The following TTYH1 variants were observed in gnomAD, a reference collection of about 807,000 sequenced individuals.
The protein encoded by TTYH1 is protein tweety homolog 1.
A neutral mutation model predicts 61.2 loss-of-function variants in TTYH1; 33 were observed. The observed-to-expected ratio is 0.54, with a 90% CI of 0.41 to 0.72. The LOEUF (loss-of-function observed/expected upper bound fraction) is 0.72. Ranked by LOEUF, TTYH1 falls within the 30% of genes least tolerant of loss-of-function variation. The pLI is 0.00. For missense variants in TTYH1, 538 were observed against 575.8 expected, an observed-to-expected ratio of 0.93 and a Z score of 0.67; for synonymous variants, 308 against 266.4, an observed-to-expected ratio of 1.16 and a Z score of -1.52.
chr19:54,421,559 C>A lies in TTYH1; in HGVS notation c.417+171C>A, dbSNP rs1077829. ...GACCTCAGACTATCCACCCAACCCC[C>A]GACCCTGGCTGCAAATTGAGGACCT... On this transcript the variant is annotated intron_variant, in intron 3 of 13. Transcript: ENST00000376530. The surrounding 1 kb of genome is among the most constrained non-coding windows in gnomAD (Gnocchi z 4.8). 6.6e-6 allele frequency among the ~76,000 whole-genome samples: 1 copy of A among 152,058 alleles called. No individual in the cohort carries two copies. The highest frequency in any genetic ancestry group is 1.5e-5 in the Non-Finnish European group (1 of 67,978).
At position 54,426,756 on chromosome 19, in the gene TTYH1, G is replaced by C. The variant is rs774764608; in HGVS notation, c.722G>C (p.Trp241Ser). 1 of 1,613,872 alleles carries C rather than the reference G, an allele frequency of 6.2e-7. No individual in the cohort carries two copies. Among genetic ancestry groups the C allele is most frequent in the Admixed American group, 1.7e-5 (1 of 60,018 alleles). Reference sequence around the variant, plus strand: ...CTGGGCCTGGCGAAGCAGAGCAAGTGGCTGGTGATCGTGTAAGTGCAGGCA... The same window carrying C: ...CTGGGCCTGGCGAAGCAGAGCAAGTCGCTGGTGATCGTGTAAGTGCAGGCA... ...TLLGLAKQSK[W>S]LVIVMTVMSL... The change falls in exon 5 of 14, where the codon TGG becomes TCG. Residue 241 changes from tryptophan to serine, a missense_variant. Transcript: ENST00000376530.
rs1243305719 is a variant in TTYH1, at chr19:54,436,143, G to T, written c.*14G>T. On this transcript the variant is annotated 3_prime_UTR_variant, in exon 13 of 14. Coordinates refer to ENST00000376530, the MANE Select transcript of TTYH1 (RefSeq NM_020659.4). This position sits in a 1 kb window ranked among gnomAD's most constrained non-coding sequence, Gnocchi z 4.3. ...TCGTCTATCTGAGCCCCTCCTCCCGGCTGGACTGGAGCCTGGCTCCCCTCT... is the reference window on the plus strand; with the variant it reads ...TCGTCTATCTGAGCCCCTCCTCCCGTCTGGACTGGAGCCTGGCTCCCCTCT... The T allele has an allele frequency of 6.2e-7, 1 of 1,614,110 alleles. No individual in the cohort carries two copies. The highest frequency in any genetic ancestry group is 1.3e-5 in the African/African-American group (1 of 75,048).
rs1431258632 is a variant in TTYH1 at position 54,436,531 on chromosome 19, C to T, written c.*241C>T. ...GGCTGGCAGGGGAGGGGGCAGACAG[C>T]CTCGCCTCGCACCCTTCATCCCTGG... On this transcript the variant is annotated 3_prime_UTR_variant, in exon 14 of 14. Transcript: ENST00000376530. This position sits in a 1 kb window ranked among gnomAD's most constrained non-coding sequence, Gnocchi z 4.3. 4.0e-6 allele frequency: 3 copies of T among 747,834 alleles called. No homozygotes were observed. The highest frequency in any genetic ancestry group is 4.5e-6 in the Non-Finnish European group (2 of 443,750). The allele number at this position is 747,834 out of a possible 1,614,324, so 46.3% of individuals were successfully genotyped here. A position where few individuals can be genotyped will look rare whatever the true frequency, so the allele number is the denominator to read the frequency against.
rs957480286 is a variant in TTYH1, at chr19:54,416,942, C to A, written c.126+1264C>A. 2 of 1,256,554 alleles carry A rather than the reference C, an allele frequency of 1.6e-6. No homozygotes were observed. The highest frequency in any genetic ancestry group is 1.2e-4 in the East Asian group (2 of 16,962). The allele number at this position is 1,256,554 out of a possible 1,614,324, so 77.8% of individuals were successfully genotyped here. On this transcript the variant is annotated intron_variant, in intron 1 of 13. Coordinates refer to ENST00000376530, the MANE Select transcript of TTYH1 (RefSeq NM_020659.4). The surrounding 1 kb of genome is among the most constrained non-coding windows in gnomAD (Gnocchi z 7.0). The stretch of plus-strand genomic sequence containing the variant: ...CGCCAGAGGCACGGGTTTGGGGGAG[C>A]CTCACTCCGCCCCCACGGTCGGGGG...
Position 54,420,103 on chromosome 19 carries a change from C to G in TTYH1, c.305+797C>G, listed in dbSNP as rs2083177474. Among the ~76,000 whole-genome samples the G allele has an allele frequency of 6.6e-6, 1 of 152,112 alleles. No homozygotes were observed. Among genetic ancestry groups the G allele is most frequent in the Non-Finnish European group, 1.5e-5 (1 of 68,032 alleles). ...CCAGGTTAGTAGGACCCCCTCACAC[C>G]CCTCAAAGCGAGCTTAGGGGGCTTC... On this transcript the variant is annotated intron_variant, in intron 2 of 13. Transcript: ENST00000376530. The surrounding 1 kb of genome is among the most constrained non-coding windows in gnomAD (Gnocchi z 4.8).
At position 54,415,690 on chromosome 19, in the gene TTYH1, C is replaced by T. The variant is rs1157885716; in HGVS notation, c.126+12C>T. On this transcript the variant is annotated intron_variant, in intron 1 of 13. Transcript: ENST00000376530. The surrounding 1 kb of genome is among the most constrained non-coding windows in gnomAD (Gnocchi z 5.2). Reference sequence around the variant, plus strand: ...AGGAATACCAGCAGGTGGGACCGGGCGCCAGGGCCTGGGGGCCAGGGCTGG... The same window carrying T: ...AGGAATACCAGCAGGTGGGACCGGGTGCCAGGGCCTGGGGGCCAGGGCTGG... 1.3e-6 allele frequency: 2 copies of T among 1,539,620 alleles called. No individual in the cohort carries two copies. The highest frequency in any genetic ancestry group is 1.9e-5 in the Admixed American group (1 of 51,498).
rs375388484 is a variant in TTYH1, at chr19:54,430,732, G to T, written c.940-81G>T. 126 of 1,580,908 alleles carry T rather than the reference G, an allele frequency of 8.0e-5. 1 individual carries two copies. The East Asian group carries it at 1.0e-3, about 13-fold the overall frequency. On this transcript the variant is annotated intron_variant, in intron 8 of 13. Transcript: ENST00000376530. ...CGGGGAGGATGCAGGCCAGGGGCCCGAGTGCTGTGTCCGGAGGAGAGGAGA... is the reference window on the plus strand; with the variant it reads ...CGGGGAGGATGCAGGCCAGGGGCCCTAGTGCTGTGTCCGGAGGAGAGGAGA...
Position 54,416,907 on chromosome 19 carries a change from C to G in TTYH1, c.126+1229C>G, listed in dbSNP as rs1163409200. On this transcript the variant is annotated intron_variant, in intron 1 of 13. Transcript: ENST00000376530. The surrounding 1 kb of genome is among the most constrained non-coding windows in gnomAD (Gnocchi z 7.0). ...CGAAGCCGCACGCGGGGATCCGCGG[C>G]CCCAGTCACCGCCAGAGGCACGGGT... is the stretch of plus-strand genomic sequence containing the variant. 2 of 1,285,020 alleles carry G rather than the reference C, an allele frequency of 1.6e-6. No individual in the cohort carries two copies. The highest frequency in any genetic ancestry group is 1.2e-5 in the South Asian group (1 of 80,332). The allele number at this position is 1,285,020 out of a possible 1,614,324, so 79.6% of individuals were successfully genotyped here.
rs1428492590 is a variant in TTYH1 at position 54,420,091 on chromosome 19, AC to A, written c.305+790del. Reference sequence around the variant, plus strand: ...AGAGATTCAGACCCAGGTTAGTAGGACCCCCTCACACCCCTCAAAGCGAGCT... The same window carrying A: ...AGAGATTCAGACCCAGGTTAGTAGGACCCCTCACACCCCTCAAAGCGAGCT... On this transcript the variant is annotated intron_variant, in intron 2 of 13. Coordinates refer to ENST00000376530, the MANE Select transcript of TTYH1 (RefSeq NM_020659.4). The surrounding 1 kb of genome is among the most constrained non-coding windows in gnomAD (Gnocchi z 4.8). Among the ~76,000 whole-genome samples, 12 of 151,894 alleles carry A rather than the reference AC, an allele frequency of 7.9e-5. No individual in the cohort carries two copies. Among genetic ancestry groups the A allele is most frequent in the South Asian group, 6.2e-4 (3 of 4,808 alleles).
At chr19:54,417,659 A>G (rs1462369397) in intron 1 of TTYH1, among the ~76,000 whole-genome samples, 3 of 150,924 alleles carry the variant, frequency 2.0e-5, no homozygotes. Flanking sequence ...TCATGCATGC[A>G]CCGTCACATA....
At chr19:54,430,728 G>A in intron 8 of TTYH1, 85 bp from the exon 9 acceptor site, 3 of 1,580,682 alleles carry the variant, frequency 1.9e-6, no homozygotes, top group Non-Finnish European at 2.6e-6. Context: ...CAGGCCAGGG[G>A]CCCGAGTGCT....
intron 4 of TTYH1, among the ~76,000 whole-genome samples, chr19:54,424,448 C>G (rs893761004): frequency 2.0e-5 from 3 of 152,200 alleles, no homozygotes; most frequent in Non-Finnish European, 4.4e-5. Context: ...CGGGGAAGGC[C>G]GACTGGGGCT....
Position 54,430,855 on chromosome 19 carries a change from C to A in TTYH1, c.982C>A (p.Gln328Lys). The A allele has an allele frequency of 6.2e-7, 1 of 1,613,940 alleles. No individual in the cohort carries two copies. The highest frequency in any genetic ancestry group is 8.5e-7 in the Non-Finnish European group (1 of 1,180,010). The change falls in exon 9 of 14, where the codon CAG (glutamine) becomes AAG (lysine). Residue 328 changes from glutamine (Q) to lysine (K), a missense_variant. Transcript: ENST00000376530. Reference sequence around the variant, plus strand: ...GCGAGCTCTGGCCAACATCCACTCCCAGCTGCTGGGCCTGGAGCGAGAAGC... The same window carrying A: ...GCGAGCTCTGGCCAACATCCACTCCAAGCTGCTGGGCCTGGAGCGAGAAGC... ...SQRALANIHS[Q>K]LLGLEREAVP...
Position 54,431,156 on chromosome 19 carries a change from T to C in TTYH1, c.1090T>C (p.Leu364=). 6.2e-7 allele frequency: 1 copy of C among 1,613,642 alleles called. No homozygotes were observed. The highest frequency in any genetic ancestry group is 1.7e-5 in the Admixed American group (1 of 60,004). The part of the protein sequence containing the change: ...LNVTEGNFHQ[L]VALLHCRSLH... ...TGTGACAGAAGGAAATTTCCACCAG[T>C]TGGTGGCACTGCTACACTGCCGCAG... The change falls in exon 10 of 14, where the codon TTG becomes CTG. Residue 364 remains leucine, a synonymous_variant. Transcript: ENST00000376530.
rs2083171625 is a variant in TTYH1, at chr19:54,419,884, A to T, written c.305+578A>T. Among the ~76,000 whole-genome samples the T allele has an allele frequency of 6.6e-6, 1 of 152,180 alleles. No individual in the cohort carries two copies. The highest frequency in any genetic ancestry group is 2.4e-5 in the African/African-American group (1 of 41,434). ...GCTTATGTTCTAATCAGGGAGACGG[A>T]CGATAAATAGATATAATCACCCTCC... On this transcript the variant is annotated intron_variant, in intron 2 of 13. Transcript: ENST00000376530. This position sits in a 1 kb window ranked among gnomAD's most constrained non-coding sequence, Gnocchi z 6.1.
Position 54,416,052 on chromosome 19 carries a change from A to C in TTYH1, c.126+374A>C. On this transcript the variant is annotated intron_variant, in intron 1 of 13. Coordinates refer to ENST00000376530, the MANE Select transcript of TTYH1 (RefSeq NM_020659.4). The surrounding 1 kb of genome is among the most constrained non-coding windows in gnomAD (Gnocchi z 7.0). ...CTGCCCTAAAAGATGACCCTGCCCC[A>C]CAGGATCAGAGCAGGTGAATATGTC... The C allele has an allele frequency of 1.5e-6, 2 of 1,311,290 alleles. No individual in the cohort carries two copies. The highest frequency in any genetic ancestry group is 2.0e-6 in the Non-Finnish European group (2 of 993,718). The allele number at this position is 1,311,290 out of a possible 1,614,324, so 81.2% of individuals were successfully genotyped here. A position where few individuals can be genotyped will look rare whatever the true frequency, so the allele number is the denominator to read the frequency against.
At position 54,426,585 on chromosome 19, in the gene TTYH1, G is replaced by A. The variant is rs2083323510; in HGVS notation, c.639-88G>A. ...GGTGAATGTGAGGCTGAGCTGGGGG[G>A]CAGGGTGAATGCTGGTGGAGGGTTG... On this transcript the variant is annotated intron_variant, in intron 4 of 13. Transcript: ENST00000376530. 1.7e-5 allele frequency: 17 copies of A among 995,566 alleles called. No individual in the cohort carries two copies. In the East Asian group the frequency reaches 3.1e-4, roughly 18 times the overall value. 61.7% of individuals were successfully genotyped at this position (995,566 alleles called of 1,614,324 possible).
Position 54,419,255 on chromosome 19 carries a change from C to A in TTYH1, c.254C>A (p.Pro85His). 6.2e-7 allele frequency: 1 copy of A among 1,607,208 alleles called. No individual in the cohort carries two copies. The highest frequency in any genetic ancestry group is 1.7e-4 in the Middle Eastern group (1 of 6,058). Residue 85 changes from proline to histidine, a missense_variant, in exon 2 of 14, where the codon CCC becomes CAC. Pro to His is a moderately conservative substitution (Grantham distance 77). Transcript: ENST00000376530. The surrounding 1 kb of genome is among the most constrained non-coding windows in gnomAD (Gnocchi z 6.1). Reference protein sequence around the residue: ...PEPPGSKIPSPGGGCVTWSCI... With the variant: ...PEPPGSKIPSHGGGCVTWSCI... ...CCCCCCGGGTCCAAGATCCCCTCGC[C>A]CGGGGGAGGCTGCGTCACCTGGAGC...
At chr19:54,431,469 C>A (rs28377489) in intron 10 of TTYH1, 160,331 of 486,682 alleles carry the variant, frequency 0.33, 30,196 homozygotes, top group African/African-American at 0.63. Context: ...CTCCCCGTCC[C>A]TTCCTGCCAC....
Sources: gnomAD v4.1 joint callset for allele counts (sites outside exome capture counted in the v4.1 genomes callset) on GRCh38, gnomAD v4.1.1 for gene constraint, Gnocchi (gnomAD v3.1) non-coding constraint, MANE v1.5 for transcripts, NCBI Gene and HGNC (gene_info 2026-07-23, HGNC 2026-07-21) for gene names.